DMD: variants seen among roughly 807,000 people sequenced by gnomAD.
DMD encodes the protein mutant dystrophin.
Under a neutral mutation model 330.1 loss-of-function variants are expected in DMD, and 63 were observed. The observed-to-expected ratio is 0.19, with a 90% CI of 0.16 to 0.24. DMD has a LOEUF of 0.24. Ranked by LOEUF, DMD falls within the 10% of genes least tolerant of loss-of-function variation. DMD has a pLI of 1.00. For synonymous variants in DMD, 1,223 were observed against 959.8 expected, an observed-to-expected ratio of 1.27 and a Z score of -5.07; for missense variants, 3,344 against 2,684.1, an observed-to-expected ratio of 1.25 and a Z score of -5.43.
intron 1 of DMD, among the ~76,000 whole-genome samples, chrX:33,294,303 G>A (rs1037025269): frequency 9.0e-6 from 1 of 110,846 alleles, no homozygotes; most frequent in Non-Finnish European, 1.9e-5. Context: ...TGTTTTACTC[G>A]GGACAGCATC....
At chrX:33,238,493 C>T (rs1368000405) in intron 1 of DMD, among the ~76,000 whole-genome samples, 2 of 110,975 alleles carry the variant, frequency 1.8e-5, no homozygotes, top group African/African-American at 6.6e-5. Context: ...CTCTCTCCCC[C>T]CTGTTTGTGT....
At chrX:32,147,821 G>A (rs2096784941) in intron 44 of DMD, among the ~76,000 whole-genome samples, 1 of 109,059 alleles carries the variant, frequency 9.2e-6, no homozygotes, top group African/African-American at 3.3e-5. Flanking sequence ...CTTACTGTTT[G>A]GGTCTGAATT....
Position 32,411,809 on chromosome X carries a change from C to T in DMD, c.4176G>A (p.Gln1392=), listed in dbSNP as rs372863584. 5 of 1,209,505 alleles carry T rather than the reference C, an allele frequency of 4.1e-6. No individual in the cohort carries two copies. In the African/African-American group the frequency reaches 8.8e-5, roughly 21 times the overall value. Residue 1392 remains glutamine, a synonymous_variant, in exon 30 of 79, where the codon CAG becomes CAA. Coordinates refer to ENST00000357033, the MANE Select transcript of DMD (RefSeq NM_004006.3). The part of the protein sequence containing the change: ...IQESLTFIDK[Q]LAAYIADKVD... Reference sequence around the variant, plus strand: ...CCTTGTCTGCAATATAAGCTGCCAACTGCTTGTCAATGAATGTGAGGGACT... The same window carrying T: ...CCTTGTCTGCAATATAAGCTGCCAATTGCTTGTCAATGAATGTGAGGGACT...
At chrX:32,089,145 C>T (rs1433330909) in intron 44 of DMD, among the ~76,000 whole-genome samples, 2 of 111,028 alleles carry the variant, frequency 1.8e-5, no homozygotes, top group Non-Finnish European at 3.8e-5. Flanking sequence ...TAGCCATCAT[C>T]GCAGGCAAGA....
intron 55 of DMD, among the ~76,000 whole-genome samples, chrX:31,573,052 G>A (rs1280893620): frequency 9.0e-6 from 1 of 111,311 alleles, no homozygotes; most frequent in East Asian, 2.8e-4. Flanking sequence ...AAATTAGCAA[G>A]AAAAAGACAT....
chrX:32,029,094 T>C (rs2095866530), intron 44 of DMD, among the ~76,000 whole-genome samples: 1 of 110,562 alleles, frequency 9.0e-6, no homozygotes, highest in African/African-American at 3.3e-5. Flanking sequence ...GATAGTAAAT[T>C]ATATGCCAGA....
At chrX:32,802,772 G>GT (rs761769245) in intron 7 of DMD, among the ~76,000 whole-genome samples, 2 of 111,910 alleles carry the variant, frequency 1.8e-5, no homozygotes, top group Admixed American at 9.5e-5. Context: ...GATGGATTAC[G>GT]TTTGTTGGTT....
chrX:32,781,641 T>G (rs1391011420), intron 7 of DMD, among the ~76,000 whole-genome samples: 1 of 109,921 alleles, frequency 9.1e-6, no homozygotes, highest in African/African-American at 3.3e-5. Context: ...TGTCAGCCTC[T>G]CTCCTGCAAC....
intron 7 of DMD, among the ~76,000 whole-genome samples, chrX:32,733,569 G>C (rs756637566): frequency 9.0e-6 from 1 of 111,410 alleles, no homozygotes; most frequent in African/African-American, 3.3e-5. Flanking sequence ...CTATCTCTCA[G>C]ACCACAGTGC....
At position 32,063,187 on chromosome X, in the gene DMD, A is replaced by AACAC. The variant is rs113943502; in HGVS notation, c.6439-94677_6439-94674dup. Among the ~76,000 whole-genome samples the AACAC allele has an allele frequency of 4.6e-3, 460 of 100,712 alleles. 4 individuals are homozygous for AACAC. Among genetic ancestry groups the AACAC allele is most frequent in the South Asian group, 5.7e-3 (12 of 2,117 alleles). 87.5% of individuals were successfully genotyped at this position (100,712 alleles called of 115,157 possible). ...CTCAAATAATGTTTTAAGTATGTCTAACACACACACACACACACACACACA... is the reference window on the plus strand; with the variant it reads ...CTCAAATAATGTTTTAAGTATGTCTAACACACACACACACACACACACACACACA... On this transcript the variant is annotated intron_variant, in intron 44 of 78. Coordinates refer to ENST00000357033, the MANE Select transcript of DMD (RefSeq NM_004006.3).
intron 60 of DMD, among the ~76,000 whole-genome samples, chrX:31,357,217 G>A (rs1156775599): frequency 1.8e-5 from 2 of 110,915 alleles, no homozygotes; most frequent in African/African-American, 3.3e-5. Context: ...GGCCATTGGA[G>A]CATTCCTTTC....
At chrX:32,187,490 A>G (rs1430096567) in intron 44 of DMD, among the ~76,000 whole-genome samples, 1 of 111,752 alleles carries the variant, frequency 8.9e-6, no homozygotes, top group Non-Finnish European at 1.9e-5. Context: ...TTCTTTATGA[A>G]AAGATTAACA....
At chrX:32,425,938 T>C (rs2098210997) in intron 29 of DMD, among the ~76,000 whole-genome samples, 2 of 111,743 alleles carry the variant, frequency 1.8e-5, no homozygotes, top group African/African-American at 6.5e-5. Context: ...GCTAACCGTA[T>C]ACAGAAGAAT....
intron 18 of DMD, among the ~76,000 whole-genome samples, chrX:32,511,755 A>G (rs1312928687): frequency 9.0e-6 from 1 of 110,686 alleles, no homozygotes; most frequent in African/African-American, 3.3e-5. Context: ...TGTTTATCAT[A>G]TATGTGTCTA....
chrX:32,667,966 C>T lies in DMD; in HGVS notation c.961-22814G>A, dbSNP rs191648387. Among the ~76,000 whole-genome samples, 600 of 101,546 alleles carry T rather than the reference C, an allele frequency of 5.9e-3. 2 individuals are homozygous for T. Among genetic ancestry groups the T allele is most frequent in the South Asian group, 0.014 (33 of 2,401 alleles). 88.2% of individuals were successfully genotyped at this position (101,546 alleles called of 115,157 possible). A position where few individuals can be genotyped will look rare whatever the true frequency, so the allele number is the denominator to read the frequency against. On this transcript the variant is annotated intron_variant, in intron 9 of 78. Transcript: ENST00000357033. ...ACCAGCCTGGCCAACATAGCAAAAC[C>T]TTGTCACTATTTAAAAAAAAAAAAA... is the stretch of plus-strand genomic sequence containing the variant.
chrX:31,276,447 A>G (rs2052126041), intron 62 of DMD, among the ~76,000 whole-genome samples: 1 of 111,809 alleles, frequency 8.9e-6, no homozygotes, highest in African/African-American at 3.3e-5. Context: ...CAAACAACAC[A>G]GGGTTAGAAA....
At chrX:31,936,397 T>C (rs761913431) in intron 45 of DMD, among the ~76,000 whole-genome samples, 1 of 111,819 alleles carries the variant, frequency 8.9e-6, no homozygotes, top group South Asian at 3.7e-4. Context: ...TTGAGCATTA[T>C]AATTGATATA....
chrX:33,048,320 G>A (rs1054222396), intron 1 of DMD, among the ~76,000 whole-genome samples: 8 of 111,455 alleles, frequency 7.2e-5, no homozygotes, highest in Non-Finnish European at 1.3e-4. Flanking sequence ...AGAGCCTTAC[G>A]TAGTCGTAAC....
intron 1 of DMD, among the ~76,000 whole-genome samples, chrX:33,150,575 G>A (rs1413216441): frequency 9.1e-6 from 1 of 109,715 alleles, no homozygotes; most frequent in African/African-American, 3.3e-5. Flanking sequence ...GATTACAGGT[G>A]GGAGCCACTG....
Sources: allele counts gnomAD v4.1 joint callset (sites outside exome capture counted in the v4.1 genomes callset), GRCh38; gene constraint gnomAD v4.1.1; transcripts MANE v1.5; gene names NCBI Gene and HGNC (gene_info 2026-07-23, HGNC 2026-07-21).